The following USH2A variants were observed in gnomAD, a reference collection of about 807,000 sequenced individuals.
The protein encoded by USH2A is Usher syndrome 2A (autosomal recessive, mild).
Under a neutral mutation model 538.9 loss-of-function variants are expected in USH2A, and 443 were observed. The ratio of observed to expected loss-of-function variants is 0.82; its 90% CI spans 0.76 to 0.89. USH2A has a LOEUF of 0.89. Among genes scored for constraint, USH2A ranks in the 40% least tolerant of loss-of-function variants. The pLI is 0.00. For synonymous variants in USH2A, 2,413 were observed against 2,273.5 expected (o/e 1.06, Z -1.75); for missense variants, 6,633 against 6,324.8 (o/e 1.05, Z -1.65).
intron 19 of USH2A, among the ~76,000 whole-genome samples, chr1:216,192,048 A>G (rs563210257): frequency 8.5e-5 from 13 of 152,208 alleles, no homozygotes; most frequent in South Asian, 8.3e-4. Flanking sequence ...GAGTCAATTT[A>G]TAAGTCTTAT....
intron 9 of USH2A, among the ~76,000 whole-genome samples, chr1:216,311,151 T>C (rs918383581): frequency 6.6e-6 from 1 of 152,208 alleles, no homozygotes; most frequent in East Asian, 1.9e-4. Context: ...ATTGGTCAAG[T>C]TACAGAGCAG....
At chr1:215,851,052 G>A (rs1425565594) in intron 44 of USH2A, among the ~76,000 whole-genome samples, 2 of 152,110 alleles carry the variant, frequency 1.3e-5, no homozygotes, top group African/African-American at 4.8e-5. Context: ...GCAGTGTTAA[G>A]AGGAAAGTTC....
intron 3 of USH2A, among the ~76,000 whole-genome samples, 198 bp downstream of exon 3, chr1:216,418,316 T>TG (rs1558080061): frequency 6.6e-6 from 1 of 152,088 alleles, no homozygotes; most frequent in Non-Finnish European, 1.5e-5. Context: ...ACAGCAATTT[T>TG]GGGGGAGGAA....
chr1:216,050,623 G>T (rs866954905), intron 30 of USH2A, among the ~76,000 whole-genome samples: 1,109 of 15,846 alleles, frequency 0.07, 9 homozygotes, highest in African/African-American at 0.16. Context: ...TTTTTTTTTT[G>T]AGACAGAGTC....
chr1:216,101,394 T>C (rs1242807927), intron 21 of USH2A, among the ~76,000 whole-genome samples: 1 of 152,254 alleles, frequency 6.6e-6, no homozygotes, highest in Non-Finnish European at 1.5e-5. Context: ...GAAGATTATG[T>C]ATTTACAGAT....
intron 31 of USH2A, among the ~76,000 whole-genome samples, chr1:216,046,972 T>A (rs1327566929): frequency 6.6e-6 from 1 of 152,210 alleles, no homozygotes; most frequent in Non-Finnish European, 1.5e-5. Flanking sequence ...ATGTGGTTCA[T>A]AATATAAATT....
At position 215,648,549 on chromosome 1, in the gene USH2A, A is replaced by G. The variant is rs766014941; in HGVS notation, c.14561T>C (p.Phe4854Ser). The part of the protein sequence containing the change: ...TASFRWSPPM[F>S]PNGVIHSYEL... ...TTACCTGTGAATGACACCATTGGGG[A>G]ACATGGGGGGACTCCACCGGAAGGA... The change falls in exon 66 of 72, where the codon TTC (phenylalanine) becomes TCC (serine). Residue 4854 changes from phenylalanine (F) to serine (S), a missense_variant. Coordinates refer to ENST00000307340, the MANE Select transcript of USH2A (RefSeq NM_206933.4). 3.1e-6 allele frequency: 5 copies of G among 1,613,998 alleles called. No individual in the cohort carries two copies. In the Admixed American group the frequency reaches 8.3e-5, roughly 27 times the overall value.
In USH2A at chr1:216,292,383, A is replaced by G; in HGVS notation, c.1645-13T>C. ...AGCAGCGATCACACTAGAACAAAAA[A>G]TATCAGAACAGTAAAGAAAATAAAG... On this transcript the variant is annotated splice_polypyrimidine_tract_variant and intron_variant, in intron 9 of 71. Transcript: ENST00000307340. 6.2e-7 allele frequency: 1 copy of G among 1,613,098 alleles called. No homozygotes were observed. Among genetic ancestry groups the G allele is most frequent in the Non-Finnish European group, 8.5e-7 (1 of 1,179,450 alleles).
chr1:216,044,392 T>C (rs897196993), intron 32 of USH2A, among the ~76,000 whole-genome samples: 8 of 152,170 alleles, frequency 5.3e-5, no homozygotes, highest in African/African-American at 1.2e-4. Context: ...AAATGTAATA[T>C]ATGTAAAGGT....
chr1:216,363,135 C>T (rs999160878), intron 4 of USH2A, among the ~76,000 whole-genome samples: 1 of 151,744 alleles, frequency 6.6e-6, no homozygotes, highest in Admixed American at 6.6e-5. Flanking sequence ...CTGTACAGTC[C>T]TACTTTAACA....
chr1:215,898,596 T>A (rs1262442538), intron 40 of USH2A, among the ~76,000 whole-genome samples: 1 of 151,564 alleles, frequency 6.6e-6, no homozygotes, highest in African/African-American at 2.4e-5. Context: ...AAAAAAAAAA[T>A]GCTTTCTCCC....
chr1:216,084,770 G>T lies in USH2A; in HGVS notation c.5095C>A (p.Gln1699Lys), dbSNP rs1351926905. 8 of 1,613,418 alleles carry T rather than the reference G, an allele frequency of 5.0e-6. No homozygotes were observed. The African/African-American group carries it at 8.0e-5, about 16-fold the overall frequency. ...EPLDWQSSEEQINVYNSWEGC... is the reference protein window; with the variant it reads ...EPLDWQSSEEKINVYNSWEGC... ...TCCCAGCTGTTATACACGTTGATTT[G>T]TTCTTCAGAACTCTGCCAATCCAGA... The change falls in exon 25 of 72, where the codon CAA becomes AAA. Residue 1699 changes from glutamine (Q) to lysine (K), a missense_variant. Transcript: ENST00000307340.
intron 40 of USH2A, among the ~76,000 whole-genome samples, chr1:215,895,520 A>G (rs1478412883): frequency 1.3e-5 from 2 of 152,080 alleles, no homozygotes. Flanking sequence ...ATTTCAATTG[A>G]CCTCACATTG....
chr1:215,983,706 C>A (rs573396413), intron 35 of USH2A, among the ~76,000 whole-genome samples: 1 of 152,256 alleles, frequency 6.6e-6, no homozygotes, highest in South Asian at 2.1e-4. Context: ...AGGGTTTCAA[C>A]AGGAAACCAA....
chr1:216,369,792 A>G (rs911035568), intron 3 of USH2A, among the ~76,000 whole-genome samples: 26 of 151,558 alleles, frequency 1.7e-4, no homozygotes, highest in Non-Finnish European at 3.4e-4. Context: ...GTGTGGTGGC[A>G]CACACCTGTA....
intron 3 of USH2A, among the ~76,000 whole-genome samples, chr1:216,391,866 A>T (rs1240194249): frequency 6.6e-6 from 1 of 152,038 alleles, no homozygotes; most frequent in African/African-American, 2.4e-5. Flanking sequence ...CTTTCTATCC[A>T]TCCCTCTTTT....
At chr1:216,069,865 A>G (rs1312181658) in intron 30 of USH2A, among the ~76,000 whole-genome samples, 2 of 152,166 alleles carry the variant, frequency 1.3e-5, no homozygotes, top group African/African-American at 4.8e-5. Context: ...GGGGATGGAG[A>G]GAATATCTAC....
At chr1:215,652,538 A>G (rs990716020) in intron 64 of USH2A, among the ~76,000 whole-genome samples, 10 of 152,286 alleles carry the variant, frequency 6.6e-5, no homozygotes, top group African/African-American at 2.2e-4. Flanking sequence ...GAGTCCATCC[A>G]TCAGAATACA....
chr1:216,191,579 T>A (rs1255455182), intron 19 of USH2A, among the ~76,000 whole-genome samples: 1 of 151,988 alleles, frequency 6.6e-6, no homozygotes, highest in African/African-American at 2.4e-5. Context: ...AAATACCAAG[T>A]AATTCTTTAT....
Sources: gnomAD v4.1 joint callset for allele counts (sites outside exome capture counted in the v4.1 genomes callset) on GRCh38, gnomAD v4.1.1 for gene constraint, MANE v1.5 for transcripts, NCBI Gene and HGNC (gene_info 2026-07-23, HGNC 2026-07-21) for gene names.